CNTNAP2: variants seen among roughly 807,000 people sequenced by gnomAD.
The protein encoded by CNTNAP2 is contactin-associated protein-like 2.
In CNTNAP2, 98 loss-of-function variants were observed where a neutral mutation model predicts 155.2. The observed-to-expected ratio is 0.63, with a 90% CI of 0.54 to 0.75. The LOEUF (loss-of-function observed/expected upper bound fraction) is 0.75, where lower values mean the gene tolerates loss of function less well. Ranked by LOEUF, CNTNAP2 falls within the 30% of genes least tolerant of loss-of-function variation. The probability of loss-of-function intolerance (pLI) is 0.00; values close to 1 mark genes in which losing one functional copy is unlikely to be tolerated. For missense variants in CNTNAP2, 1,727 were observed against 1,688.1 expected (o/e 1.02, Z -0.40); for synonymous variants, 651 against 631.2 (o/e 1.03, Z -0.47).
At chr7:146,925,655 T>A (rs926639373) in intron 3 of CNTNAP2, among the ~76,000 whole-genome samples, 3 of 152,128 alleles carry the variant, frequency 2.0e-5, no homozygotes, top group African/African-American at 7.2e-5. Flanking sequence ...GGAAAACTGG[T>A]CTCAGAGCAA....
At chr7:148,265,154 T>G (rs185341089) in intron 20 of CNTNAP2, among the ~76,000 whole-genome samples, 317 of 152,320 alleles carry the variant, frequency 2.1e-3, no homozygotes, top group Non-Finnish European at 3.0e-3. Flanking sequence ...TGGGTGTCAT[T>G]AGATGGCAGC....
chr7:148,402,474 C>G (rs1799609263), intron 22 of CNTNAP2, among the ~76,000 whole-genome samples: 1 of 152,202 alleles, frequency 6.6e-6, no homozygotes, highest in African/African-American at 2.4e-5. Flanking sequence ...GGGATCCTCT[C>G]TTAAAATAAA....
chr7:148,177,546 T>C (rs111469460), intron 18 of CNTNAP2, among the ~76,000 whole-genome samples: 5 of 152,348 alleles, frequency 3.3e-5, no homozygotes, highest in African/African-American at 1.2e-4. Flanking sequence ...TCTTAATTCT[T>C]GCTCTTAACA....
chr7:147,734,091 G>C (rs946855256), intron 13 of CNTNAP2, among the ~76,000 whole-genome samples: 8 of 152,116 alleles, frequency 5.3e-5, no homozygotes, highest in Admixed American at 1.3e-4. Flanking sequence ...CTGGTCTTGT[G>C]CCTGTTTTCG....
intron 14 of CNTNAP2, among the ~76,000 whole-genome samples, chr7:147,955,389 A>T (rs931106158): frequency 1.3e-5 from 2 of 152,176 alleles, no homozygotes. Context: ...TTTATTTTTT[A>T]AAAAAACTAC....
chr7:146,989,959 A>G (rs1798180758), intron 3 of CNTNAP2, among the ~76,000 whole-genome samples: 1 of 152,048 alleles, frequency 6.6e-6, no homozygotes, highest in African/African-American at 2.4e-5. Context: ...TAAAAGATCT[A>G]CTTGGCTTAT....
intron 9 of CNTNAP2, among the ~76,000 whole-genome samples, chr7:147,368,197 T>C (rs1461748653): frequency 6.6e-6 from 1 of 151,466 alleles, no homozygotes; most frequent in Admixed American, 6.6e-5. Context: ...TGGATCTTAT[T>C]AGTCAGGATT....
At chr7:146,575,744 G>A (rs145363918) in intron 1 of CNTNAP2, among the ~76,000 whole-genome samples, 63 of 152,292 alleles carry the variant, frequency 4.1e-4, no homozygotes, top group South Asian at 1.5e-3. Flanking sequence ...TCTCTAAGGC[G>A]ATAAAATCTT....
chr7:146,246,418 A>G (rs888637079), intron 1 of CNTNAP2, among the ~76,000 whole-genome samples: 5 of 150,410 alleles, frequency 3.3e-5, no homozygotes, highest in Non-Finnish European at 7.4e-5. Context: ...GTATTGTCTA[A>G]GTTGGCATGA....
chr7:148,277,588 C>T (rs1183393943), intron 21 of CNTNAP2, among the ~76,000 whole-genome samples: 2 of 141,212 alleles, frequency 1.4e-5, no homozygotes, highest in Non-Finnish European at 3.1e-5. Flanking sequence ...AGTACAGGAC[C>T]GCCCCCCACC....
intron 13 of CNTNAP2, among the ~76,000 whole-genome samples, chr7:147,686,856 T>TA (rs57013062): frequency 0.029 from 4,120 of 142,712 alleles, 161 homozygotes; most frequent in African/African-American, 0.095. Flanking sequence ...AGGGATAGTG[T>TA]AAAAAAAAAA....
intron 3 of CNTNAP2, among the ~76,000 whole-genome samples, chr7:146,982,916 G>A (rs771366871): frequency 2.0e-5 from 3 of 151,994 alleles, no homozygotes; most frequent in African/African-American, 7.3e-5. Flanking sequence ...TTATCTACAC[G>A]TATCCAGGGA....
chr7:147,951,105 G>A lies in CNTNAP2; in HGVS notation c.2256-26757G>A, dbSNP rs1399643103. On this transcript the variant is annotated intron_variant, in intron 14 of 23. Transcript: ENST00000361727. ...CCTATCTTGGTAATTATCTGATAGC[G>A]ATTTAATTCTCAGGCCCAGCCGAGG... Among the ~76,000 whole-genome samples the A allele has an allele frequency of 3.9e-5, 6 of 152,290 alleles. No individual in the cohort carries two copies. The East Asian group carries it at 9.7e-4, about 25-fold the overall frequency.
At chr7:148,137,669 A>AAAGGAAGG (rs35867113) in intron 16 of CNTNAP2, among the ~76,000 whole-genome samples, 3,271 of 107,608 alleles carry the variant, frequency 0.03, 91 homozygotes, top group Admixed American at 0.043. Context: ...CTCAGAAAAA[A>AAAGGAAGG]AAGGAAGGAA....
At chr7:146,368,898 A>G (rs1171965683) in intron 1 of CNTNAP2, among the ~76,000 whole-genome samples, 1 of 150,450 alleles carries the variant, frequency 6.6e-6, no homozygotes, top group Non-Finnish European at 1.5e-5. Flanking sequence ...CCATTCTTCC[A>G]TACTTTTAAA....
intron 4 of CNTNAP2, among the ~76,000 whole-genome samples, chr7:147,104,883 T>TAAATATATATATATATATATATATAA (rs1390075517): frequency 3.0e-5 from 1 of 33,680 alleles, no homozygotes; most frequent in African/African-American, 1.9e-4. Flanking sequence ...CATATATATA[T>TAAATATATATATATATATATATATAA]ATATATATAT....
At chr7:146,185,970 A>G (rs1584792466) in intron 1 of CNTNAP2, among the ~76,000 whole-genome samples, 1 of 152,228 alleles carries the variant, frequency 6.6e-6, no homozygotes, top group East Asian at 1.9e-4. Context: ...ATTTTTATTT[A>G]TGTAATGTAT....
At chr7:146,649,572 C>A (rs1321440315) in intron 1 of CNTNAP2, among the ~76,000 whole-genome samples, 2 of 152,064 alleles carry the variant, frequency 1.3e-5, no homozygotes, top group African/African-American at 4.8e-5. Context: ...ATGGAGGAAA[C>A]TGGAAATTAT....
At chr7:146,403,530 T>C (rs1449367801) in intron 1 of CNTNAP2, among the ~76,000 whole-genome samples, 1 of 152,202 alleles carries the variant, frequency 6.6e-6, no homozygotes, top group Non-Finnish European at 1.5e-5. Context: ...TTCTAATTAA[T>C]ACATTTACTT....
Sources: gnomAD v4.1 joint callset for allele counts (sites outside exome capture counted in the v4.1 genomes callset) on GRCh38, gnomAD v4.1.1 for gene constraint, MANE v1.5 for transcripts, NCBI Gene and HGNC (gene_info 2026-07-23, HGNC 2026-07-21) for gene names.